The following CRADD variants were observed in gnomAD, a reference collection of about 807,000 sequenced individuals.
CRADD encodes death domain-containing protein CRADD.
In CRADD, 9 loss-of-function variants were observed where a neutral mutation model predicts 15.5. The observed-to-expected ratio is 0.58, with a 90% CI of 0.35 to 1.01. The LOEUF is 1.01. CRADD is among the 50% of genes least tolerant of loss of function. The pLI is 0.02. For synonymous variants in CRADD, 118 were observed against 107.6 expected (o/e 1.10, Z -0.60); for missense variants, 227 against 250.3 (o/e 0.91, Z 0.63).
intron 2 of CRADD, among the ~76,000 whole-genome samples, chr12:93,829,140 C>A (rs1212311800): frequency 7.8e-6 from 1 of 128,280 alleles, no homozygotes. Flanking sequence ...TTTTTTTTTT[C>A]AATGTCATTC....
intron 2 of CRADD, among the ~76,000 whole-genome samples, chr12:93,878,991 C>T (rs1416870495): frequency 6.6e-6 from 1 of 152,082 alleles, no homozygotes; most frequent in East Asian, 1.9e-4. Flanking sequence ...TGCTCTGCCT[C>T]CAAATCTCCC....
chr12:93,878,773 C>A (rs77384804), intron 2 of CRADD, among the ~76,000 whole-genome samples: 1 of 152,168 alleles, frequency 6.6e-6, no homozygotes, highest in Non-Finnish European at 1.5e-5. Flanking sequence ...AACCTGACAG[C>A]ACACTGGGGA....
chr12:93,845,460 A>G (rs1958101986), intron 2 of CRADD, among the ~76,000 whole-genome samples: 2 of 152,156 alleles, frequency 1.3e-5, no homozygotes, highest in Non-Finnish European at 2.9e-5. Flanking sequence ...ACAGTGGTTC[A>G]CACCTGTAAT....
chr12:93,813,699 G>C (rs1957654436), intron 2 of CRADD, among the ~76,000 whole-genome samples: 1 of 152,162 alleles, frequency 6.6e-6, no homozygotes, highest in Admixed American at 6.5e-5. Flanking sequence ...GACACCTGCT[G>C]TCATGACATG....
intron 2 of CRADD, among the ~76,000 whole-genome samples, chr12:93,843,866 G>A (rs542199214): frequency 1.5e-3 from 221 of 151,930 alleles, no homozygotes; most frequent in Non-Finnish European, 2.5e-3. Flanking sequence ...AATTACAGGC[G>A]TACACCACCA....
chr12:93,877,327 C>A (rs767548806), intron 2 of CRADD, among the ~76,000 whole-genome samples: 3 of 152,212 alleles, frequency 2.0e-5, no homozygotes, highest in Non-Finnish European at 4.4e-5. Flanking sequence ...GTAACCACTA[C>A]GTGGCTATTG....
rs973941215 is a variant in CRADD, at chr12:93,715,179, A to C, written c.298+36107A>C. ...GAGAAGAAAAAATTGAGGACCCGAGAAGTTAACGCCTTTGATTTCTATTGA... is the reference window on the plus strand; with the variant it reads ...GAGAAGAAAAAATTGAGGACCCGAGCAGTTAACGCCTTTGATTTCTATTGA... On this transcript the variant is annotated intron_variant, in intron 2 of 2. Coordinates refer to ENST00000332896, the MANE Select transcript of CRADD (RefSeq NM_003805.5). Among the ~76,000 whole-genome samples, 9 of 152,280 alleles carry C rather than the reference A, an allele frequency of 5.9e-5. No homozygotes were observed. The South Asian group carries it at 1.0e-3, about 18-fold the overall frequency.
At chr12:93,848,322 A>G (rs1958159397) in intron 2 of CRADD, among the ~76,000 whole-genome samples, 1 of 152,156 alleles carries the variant, frequency 6.6e-6, no homozygotes, top group Admixed American at 6.5e-5. Flanking sequence ...TTTGCAACTC[A>G]TCTCTAAGGT....
chr12:93,740,904 G>A (rs1346347292), intron 2 of CRADD, among the ~76,000 whole-genome samples: 2 of 152,180 alleles, frequency 1.3e-5, no homozygotes, highest in Non-Finnish European at 2.9e-5. Flanking sequence ...TAAAACAGCT[G>A]TGTAGCTTGG....
chr12:93,718,408 G>T (rs886340686), intron 2 of CRADD, among the ~76,000 whole-genome samples: 1 of 152,044 alleles, frequency 6.6e-6, no homozygotes, highest in Admixed American at 6.5e-5. Flanking sequence ...TTGATCTTTG[G>T]GGGGGTGCTA....
At chr12:93,807,276 T>A (rs1478822457) in intron 2 of CRADD, among the ~76,000 whole-genome samples, 1 of 152,018 alleles carries the variant, frequency 6.6e-6, no homozygotes, top group Non-Finnish European at 1.5e-5. Context: ...ATGGACTCAA[T>A]AAATACCTTT....
chr12:93,813,342 A>T (rs1186840916), intron 2 of CRADD, among the ~76,000 whole-genome samples: 1 of 152,226 alleles, frequency 6.6e-6, no homozygotes, highest in Non-Finnish European at 1.5e-5. Context: ...ACTGAAAACT[A>T]AATGTTGCAT....
At chr12:93,880,623 A>G (rs1258217647) in intron 2 of CRADD, among the ~76,000 whole-genome samples, 1 of 152,172 alleles carries the variant, frequency 6.6e-6, no homozygotes, top group East Asian at 1.9e-4. Context: ...ATAGAAGAGC[A>G]TCTCATCCCC....
At chr12:93,738,318 A>C in intron 2 of CRADD, 1 of 700,432 alleles carries the variant, frequency 1.4e-6, no homozygotes, top group Middle Eastern at 2.3e-4. Flanking sequence ...GACCTCAGGC[A>C]TGGGCCCTGG....
chr12:93,689,501 A>C (rs1955517173), intron 2 of CRADD, among the ~76,000 whole-genome samples: 1 of 152,232 alleles, frequency 6.6e-6, no homozygotes, highest in Non-Finnish European at 1.5e-5. Context: ...GTAAATTTTA[A>C]TTGAAAAGGA....
intron 2 of CRADD, among the ~76,000 whole-genome samples, chr12:93,842,260 C>G (rs1302374386): frequency 6.6e-6 from 1 of 152,162 alleles, no homozygotes; most frequent in African/African-American, 2.4e-5. Context: ...GACCCTGGGC[C>G]TGTGGACTGT....
In CRADD at chr12:93,780,959, T is replaced by C. The variant is rs942371900; in HGVS notation, c.299-69011T>C. ...TTAGTAGAGACACGGTTTTGCTATA[T>C]TGGCCAGGCTGGTCTCGAACTCCTG... On this transcript the variant is annotated intron_variant, in intron 2 of 2. Transcript: ENST00000332896. Among the ~76,000 whole-genome samples, 5 of 151,436 alleles carry C rather than the reference T, an allele frequency of 3.3e-5. No homozygotes were observed. The South Asian group carries it at 1.0e-3, about 32-fold the overall frequency.
intron 2 of CRADD, among the ~76,000 whole-genome samples, chr12:93,725,096 G>A (rs1188964729): frequency 4.6e-5 from 7 of 152,110 alleles, no homozygotes; most frequent in Non-Finnish European, 7.4e-5. Flanking sequence ...TCCTGACCTC[G>A]TGATTCGCCT....
intron 2 of CRADD, among the ~76,000 whole-genome samples, chr12:93,720,176 C>A (rs1956233389): frequency 6.6e-6 from 1 of 152,058 alleles, no homozygotes; most frequent in Non-Finnish European, 1.5e-5. Context: ...CTTGAGAATT[C>A]TCTTACCCCT....
Sources: gnomAD v4.1 joint callset for allele counts (sites outside exome capture counted in the v4.1 genomes callset) on GRCh38, gnomAD v4.1.1 for gene constraint, MANE v1.5 for transcripts, NCBI Gene and HGNC (gene_info 2026-07-23, HGNC 2026-07-21) for gene names.